Variants in DENND4C observed in about 807,000 individuals in gnomAD.
DENND4C encodes DENN domain containing 4C.
DENND4C carries 108 observed loss-of-function variants against 203.0 expected under a neutral mutation model. That is an observed-to-expected ratio of 0.53 (90% CI 0.46 to 0.62). The LOEUF is 0.62. Among genes scored for constraint, DENND4C ranks in the 20% least tolerant of loss-of-function variants. The pLI, the probability that DENND4C is intolerant of heterozygous loss-of-function variation, is 0.00. For missense variants in DENND4C, 2,481 were observed against 2,301.2 expected (o/e 1.08, Z -1.60); for synonymous variants, 871 against 792.4 (o/e 1.10, Z -1.67).
rs76251519 is a variant in DENND4C, at chr9:19,305,573, A to C, written c.1487+46A>C. On this transcript the variant is annotated intron_variant, in intron 10 of 32. Transcript: ENST00000434457. Reference sequence around the variant, plus strand: ...TTATCTCCCATTTATATTTTTCACTATGTAGAGTTACAGTTCTTTGAAAGC... The same window carrying C: ...TTATCTCCCATTTATATTTTTCACTCTGTAGAGTTACAGTTCTTTGAAAGC... The C allele has an allele frequency of 3.2e-3, 4,917 of 1,538,794 alleles. 160 individuals are homozygous for C. The East Asian group carries it at 0.074, about 23-fold the overall frequency.
intron 13 of DENND4C, 89 bp from the exon 14 acceptor site, chr9:19,325,850 G>A: frequency 7.5e-7 from 1 of 1,335,136 alleles, no homozygotes; most frequent in Non-Finnish European, 1.0e-6. Context: ...AAAAGGGGTA[G>A]TTTTTTTCTA....
chr9:19,271,101 C>G (rs892118944), intron 1 of DENND4C, among the ~76,000 whole-genome samples: 1 of 151,882 alleles, frequency 6.6e-6, no homozygotes, highest in Non-Finnish European at 1.5e-5. Context: ...AGAGATTAAC[C>G]TTGTTCATGG....
At chr9:19,315,829 C>T (rs929600068) in intron 10 of DENND4C, among the ~76,000 whole-genome samples, 1 of 151,926 alleles carries the variant, frequency 6.6e-6, no homozygotes, top group Non-Finnish European at 1.5e-5. Context: ...CCTCAGCCTC[C>T]TGAGTAGCTG....
chr9:19,341,120 G>A lies in DENND4C; in HGVS notation c.3004+6G>A. On this transcript the variant is annotated splice_donor_region_variant and intron_variant, in intron 21 of 32. Coordinates refer to ENST00000434457, the MANE Select transcript of DENND4C (RefSeq NM_001330640.2). Reference sequence around the variant, plus strand: ...AACAAAAATGCAAACAGAAGGTTAAGTACTGATATTTACGAACTTTACTTA... The same window carrying A: ...AACAAAAATGCAAACAGAAGGTTAAATACTGATATTTACGAACTTTACTTA... The A allele has an allele frequency of 2.5e-6, 4 of 1,598,284 alleles. No homozygotes were observed. The highest frequency in any genetic ancestry group is 3.4e-6 in the Non-Finnish European group (4 of 1,174,618).
intron 1 of DENND4C, among the ~76,000 whole-genome samples, chr9:19,249,393 C>T (rs1414921282): frequency 6.6e-6 from 1 of 151,936 alleles, no homozygotes; most frequent in Non-Finnish European, 1.5e-5. Context: ...GCTGGGATTA[C>T]AGGTGCCTGC....
rs919577437 is a variant in DENND4C at position 19,332,164 on chromosome 9, G to T, written c.2440G>T (p.Asp814Tyr). ...TGTACTTATTAAGATGAGGAAAACA[G>T]ATGTGGATCCCTTAGATGAGGCAAG... is the stretch of plus-strand genomic sequence containing the variant. ...YDVLIKMRKT[D>Y]VDPLDEVCYR... Residue 814 changes from aspartate (D) to tyrosine (Y), a missense_variant, in exon 17 of 33, where the codon GAT becomes TAT. Physicochemically the swap from Asp to Tyr is radical, Grantham distance 160 (BLOSUM62 -3). Around this residue, in one of 3 missense-constraint regions of DENND4C, gnomAD observed 2,289 missense variants for 2,113.3 expected, o/e 1.08. Transcript: ENST00000434457. The T allele has an allele frequency of 5.6e-6, 9 of 1,613,788 alleles. No individual in the cohort carries two copies. Among genetic ancestry groups the T allele is most frequent in the Non-Finnish European group, 6.8e-6 (8 of 1,179,892 alleles).
chr9:19,360,229 T>C lies in DENND4C; in HGVS notation c.5161-15T>C, dbSNP rs750514190. On this transcript the variant is annotated splice_polypyrimidine_tract_variant and intron_variant, in intron 28 of 32. Transcript: ENST00000434457. The stretch of plus-strand genomic sequence containing the variant: ...TAAACAGATAATATTAATTTCTTTT[T>C]GTATTTTTTTTAAGGATCCTTTAGG... 34 of 1,608,252 alleles carry C rather than the reference T, an allele frequency of 2.1e-5. No individual in the cohort carries two copies. The highest frequency in any genetic ancestry group is 2.7e-5 in the Non-Finnish European group (32 of 1,177,754).
intron 31 of DENND4C, among the ~76,000 whole-genome samples, chr9:19,370,922 T>C (rs566623697): frequency 2.0e-5 from 3 of 152,364 alleles, no homozygotes; most frequent in African/African-American, 7.2e-5. Context: ...AGGGCAAGAA[T>C]TGATAATGAA....
chr9:19,287,120 T>C, intron 3 of DENND4C, 99 bp downstream of exon 3: 1 of 1,032,840 alleles, frequency 9.7e-7, no homozygotes, highest in East Asian at 3.3e-5. Flanking sequence ...ACATTTTATA[T>C]TTTCATGATG....
chr9:19,237,316 G>T (rs1047403482), intron 1 of DENND4C, among the ~76,000 whole-genome samples: 1 of 151,790 alleles, frequency 6.6e-6, no homozygotes, highest in Non-Finnish European at 1.5e-5. Flanking sequence ...ACCACGCCCG[G>T]CCGACAGCTT....
At chr9:19,297,972 A>G in intron 6 of DENND4C, 84 bp from the exon 7 acceptor site, 1 of 1,071,726 alleles carries the variant, frequency 9.3e-7, no homozygotes, top group Non-Finnish European at 1.4e-6. Context: ...CTGGGATGAT[A>G]TATAGTGATA....
At chr9:19,338,149 ATAT>A (rs1820890356) in intron 20 of DENND4C, among the ~76,000 whole-genome samples, 1 of 152,198 alleles carries the variant, frequency 6.6e-6, no homozygotes. Context: ...TCATGTTTGT[ATAT>A]TATATTAACA....
intron 1 of DENND4C, among the ~76,000 whole-genome samples, chr9:19,249,456 A>T (rs752934467): frequency 6.6e-6 from 1 of 151,776 alleles, no homozygotes; most frequent in Non-Finnish European, 1.5e-5. Flanking sequence ...GGGTTTCACC[A>T]TGTTGGCCAG....
intron 12 of DENND4C, among the ~76,000 whole-genome samples, chr9:19,319,121 A>G (rs545759611): frequency 1.3e-5 from 2 of 151,174 alleles, no homozygotes; most frequent in African/African-American, 4.9e-5. Context: ...GTGAGCCAAG[A>G]TCACTGTACT....
intron 1 of DENND4C, among the ~76,000 whole-genome samples, chr9:19,271,187 A>C (rs1422129405): frequency 6.6e-6 from 1 of 151,440 alleles, no homozygotes; most frequent in African/African-American, 2.4e-5. Context: ...TTTAGGTAAA[A>C]ATTAATATGG....
At chr9:19,249,257 GT>G (rs548106647) in intron 1 of DENND4C, among the ~76,000 whole-genome samples, 134 of 142,518 alleles carry the variant, frequency 9.4e-4, no homozygotes, top group Middle Eastern at 3.6e-3. Context: ...AGTAATTTTT[GT>G]TTTTTTTTTT....
intron 10 of DENND4C, among the ~76,000 whole-genome samples, chr9:19,312,785 C>T (rs1381893974): frequency 6.6e-6 from 1 of 152,124 alleles, no homozygotes; most frequent in Non-Finnish European, 1.5e-5. Context: ...GAAATGAATA[C>T]TTTTGTCTTG....
chr9:19,301,633 A>G (rs560907522), intron 9 of DENND4C, among the ~76,000 whole-genome samples: 3 of 152,296 alleles, frequency 2.0e-5, no homozygotes, highest in Admixed American at 6.5e-5. Flanking sequence ...TGAACTGACC[A>G]GTTCTAGAAA....
chr9:19,337,475 C>G (rs1248775368), intron 20 of DENND4C: 1 of 332,440 alleles, frequency 3.0e-6, no homozygotes, highest in Non-Finnish European at 4.8e-6. Flanking sequence ...AATTCCTGTG[C>G]TTCATCTGAT....
Sources: gnomAD v4.1 joint callset for allele counts (sites outside exome capture counted in the v4.1 genomes callset) on GRCh38, gnomAD v4.1.1 for gene constraint, gnomAD v4.1.1 regional missense constraint, MANE v1.5 for transcripts, NCBI Gene and HGNC (gene_info 2026-07-23, HGNC 2026-07-21) for gene names.